The following NBPF20 variants were observed in gnomAD, a reference collection of about 807,000 sequenced individuals.
NBPF20 encodes NBPF member 20.
In NBPF20, 90 loss-of-function variants were observed where a neutral mutation model predicts 68.1. That is an observed-to-expected ratio of 1.32 (90% CI 1.11 to 1.58). The LOEUF (loss-of-function observed/expected upper bound fraction) is 1.58. Ranked by LOEUF, NBPF20 falls within the 40% of genes most tolerant of loss-of-function variation. The pLI is 0.00. For missense variants in NBPF20, 816 were observed against 601.2 expected (o/e 1.36, Z -3.74); for synonymous variants, 290 against 228.1 (o/e 1.27, Z -2.45).
chr1:145,412,651 T>C, the NBPF20 span, among the ~76,000 whole-genome samples: 4 of 147,792 alleles, frequency 2.7e-5, no homozygotes, highest in Non-Finnish European at 4.5e-5. Context: ...CAGCTAAGCA[T>C]ATGGGCTAGA....
the NBPF20 span, among the ~76,000 whole-genome samples, chr1:145,422,330 G>A: frequency 6.7e-6 from 1 of 149,214 alleles, no homozygotes; most frequent in Non-Finnish European, 1.5e-5. Flanking sequence ...AGCAATCACT[G>A]TGAACACCAC....
rs1418521166 is a variant in NBPF20 at position 145,291,633 on chromosome 1, C to T, written c.16834G>A (p.Glu5612Lys). Residue 5612 changes from glutamate to lysine, a missense_variant, in exon 138 of 138, where the codon GAG becomes AAG. Coordinates refer to ENST00000369373, the Ensembl canonical transcript of NBPF20. ...AGGGCGAAGCTGATGTGCTGTTCCT[C>T]AAATGAGTAAAACACACTTCTGTAG... The T allele has an allele frequency of 3.1e-6, 5 of 1,611,826 alleles. No homozygotes were observed. In the African/African-American group the frequency reaches 4.0e-5, roughly 13 times the overall value.
At position 145,291,771 on chromosome 1, in the gene NBPF20, T is replaced by A. The variant is rs782309330; in HGVS notation, c.16698-2A>T. The A allele has an allele frequency of 5.0e-6, 8 of 1,611,370 alleles. No individual in the cohort carries two copies. The highest frequency in any genetic ancestry group is 1.1e-5 in the South Asian group (1 of 90,980). On this transcript the variant is annotated splice_acceptor_variant, in intron 137 of 137. Coordinates refer to ENST00000369373, the Ensembl canonical transcript of NBPF20. LOFTEE classifies it high-confidence loss of function. ...ACTTCCATCAGCACGCCGTTGAGCC[T>A]GGAAAAGGAGACAAAACTAAAGAAG...
chr1:145,409,955 G>A (rs190913103), upstream of NBPF20, among the ~76,000 whole-genome samples: 106 of 151,972 alleles, frequency 7.0e-4, 1 homozygote, highest in African/African-American at 1.6e-3. Flanking sequence ...TCTGTGTCTC[G>A]TTACGGAGCC....
chr1:145,419,641 G>A, the NBPF20 span, among the ~76,000 whole-genome samples: 4 of 152,050 alleles, frequency 2.6e-5, no homozygotes, highest in East Asian at 1.9e-4. Flanking sequence ...TTCCCTCCTC[G>A]CACTGGCTCC....
the NBPF20 span, among the ~76,000 whole-genome samples, chr1:145,412,694 C>G: frequency 7.4e-6 from 1 of 135,350 alleles, no homozygotes; most frequent in African/African-American, 2.8e-5. Context: ...CATCTCTGCC[C>G]TGGAAAAACT....
In NBPF20 at chr1:145,292,372, G is replaced by A; in HGVS notation, c.16697+9C>T. On this transcript the variant is annotated intron_variant, in intron 137 of 137. Coordinates refer to ENST00000369373, the Ensembl canonical transcript of NBPF20. The stretch of plus-strand genomic sequence containing the variant: ...ACAGAATTAAGCATCCACAATTGCT[G>A]AAAGTCACCTGGGGCATGGTGGGTT... 3.0e-6 allele frequency: 2 copies of A among 674,596 alleles called. No individual in the cohort carries two copies. Among genetic ancestry groups the A allele is most frequent in the Non-Finnish European group, 5.2e-6 (2 of 381,656 alleles). The allele number at this position is 674,596 out of a possible 1,614,324, so 41.8% of individuals were successfully genotyped here.
At chr1:145,422,105 T>C in the NBPF20 span, among the ~76,000 whole-genome samples, 12 of 151,166 alleles carry the variant, frequency 7.9e-5, no homozygotes, top group South Asian at 6.3e-4. Flanking sequence ...GTTTACATCA[T>C]ATCACGTCGG....
chr1:145,409,356 G>A (rs1206208694), upstream of NBPF20, among the ~76,000 whole-genome samples: 4 of 147,886 alleles, frequency 2.7e-5, no homozygotes, highest in African/African-American at 7.4e-5. Context: ...TACGTGGCAG[G>A]CCAGGTCTCA....
chr1:145,402,475 G>A, intron 3 of NBPF20, 94 bp from the exon 9 acceptor site: 1 of 1,406,950 alleles, frequency 7.1e-7, no homozygotes, highest in African/African-American at 1.4e-5. Flanking sequence ...TGTCCTCAAG[G>A]AGACCTCGAA....
At chr1:145,291,690 T>A (rs782277333) in exon 138 of NBPF20, 10 of 1,611,930 alleles carry the variant, frequency 6.2e-6, no homozygotes, top group Middle Eastern at 2.3e-4. Flanking sequence ...TCAAAGTACA[T>A]TGACGGAGTA....
At chr1:145,405,171 C>T in exon 2 of NBPF20, 2 of 1,613,442 alleles carry the variant, frequency 1.2e-6, no homozygotes, top group Non-Finnish European at 1.7e-6. Flanking sequence ...GGTTTCCGAA[C>T]TGCTGTTTGT....
At chr1:145,399,802 C>T (rs1571370140) in intron 6 of NBPF20, among the ~76,000 whole-genome samples, 1 of 124,982 alleles carries the variant, frequency 8.0e-6, no homozygotes, top group Non-Finnish European at 1.6e-5. Flanking sequence ...AAAAAAAATC[C>T]ACGATGCTAC....
chr1:145,400,421 A>G (rs1662465555), exon 6 of NBPF20: 2 of 1,613,102 alleles, frequency 1.2e-6, no homozygotes, highest in Non-Finnish European at 1.7e-6. Context: ...CTCCCATTCA[A>G]CATGAGAGGA....
chr1:145,410,127 T>G (rs1278542954), upstream of NBPF20, among the ~76,000 whole-genome samples: 1 of 152,018 alleles, frequency 6.6e-6, no homozygotes, highest in African/African-American at 2.4e-5. Context: ...AGCCATACCA[T>G]TTTTCATTCC....
intron 129 of NBPF20, among the ~76,000 whole-genome samples, chr1:145,298,371 G>T (rs1255123514): frequency 7.2e-6 from 1 of 139,020 alleles, no homozygotes; most frequent in African/African-American, 3.2e-5. Flanking sequence ...CACACACACA[G>T]ACACACACAC....
chr1:145,397,647 C>G (rs1329957864), intron 7 of NBPF20, among the ~76,000 whole-genome samples: 1 of 152,178 alleles, frequency 6.6e-6, no homozygotes, highest in African/African-American at 2.4e-5. Context: ...ACTGTAAAGA[C>G]CATTGACGCT....
chr1:145,417,257 C>G, the NBPF20 span, among the ~76,000 whole-genome samples: 1 of 151,606 alleles, frequency 6.6e-6, no homozygotes, highest in East Asian at 1.9e-4. Context: ...AACAGCTGGA[C>G]AACCACATGC....
chr1:145,389,944 C>T, exon 14 of NBPF20: 1 of 89,106 alleles, frequency 1.1e-5, no homozygotes. Context: ...AGGTACTCAC[C>T]TCCCACGTCA....
Sources: gnomAD v4.1 joint callset for allele counts (sites outside exome capture counted in the v4.1 genomes callset) on GRCh38, gnomAD v4.1.1 for gene constraint, MANE v1.5 for transcripts, NCBI Gene and HGNC (gene_info 2026-07-23, HGNC 2026-07-21) for gene names.